ASTN2: variants seen among roughly 807,000 people sequenced by gnomAD.
ASTN2 encodes astrotactin-2.
A neutral mutation model predicts 139.8 loss-of-function variants in ASTN2; 54 were observed. The ratio of observed to expected loss-of-function variants is 0.39; its 90% CI spans 0.31 to 0.48. The LOEUF is 0.48. ASTN2 is among the 20% of genes least tolerant of loss of function. The pLI, the probability that ASTN2 is intolerant of heterozygous loss-of-function variation, is 0.95. For missense variants in ASTN2, 1,565 were observed against 1,725.1 expected, an observed-to-expected ratio of 0.91 and a Z score of 1.64; for synonymous variants, 756 against 719.5, an observed-to-expected ratio of 1.05 and a Z score of -0.81.
chr9:117,045,887 G>A (rs1478462679), intron 5 of ASTN2, among the ~76,000 whole-genome samples: 3 of 152,060 alleles, frequency 2.0e-5, no homozygotes, highest in Non-Finnish European at 4.4e-5. Flanking sequence ...CTAGAAACTG[G>A]AGACATTAGG....
chr9:116,614,498 C>T (rs1855732869), intron 19 of ASTN2, among the ~76,000 whole-genome samples: 2 of 152,258 alleles, frequency 1.3e-5, no homozygotes, highest in South Asian at 2.1e-4. Context: ...GTAACCAAAA[C>T]GGCATGGTAC....
chr9:117,386,395 T>C (rs1200548702), intron 1 of ASTN2, among the ~76,000 whole-genome samples: 1 of 152,132 alleles, frequency 6.6e-6, no homozygotes, highest in Non-Finnish European at 1.5e-5. Flanking sequence ...GACATGGATA[T>C]GTACCCATTC....
At chr9:116,927,324 G>A (rs10983410) in intron 10 of ASTN2, among the ~76,000 whole-genome samples, 29,913 of 152,140 alleles carry the variant, frequency 0.2, 3,449 homozygotes, top group Middle Eastern at 0.24. Flanking sequence ...CTTAACAGGT[G>A]AGACAGTCAC....
At chr9:116,635,059 AT>A (rs373847782) in intron 17 of ASTN2, among the ~76,000 whole-genome samples, 188 of 152,368 alleles carry the variant, frequency 1.2e-3, no homozygotes, top group African/African-American at 4.3e-3. Flanking sequence ...GCATAGTCTT[AT>A]TTAACAGTTA....
At chr9:117,125,603 C>A (rs1230075330) in intron 4 of ASTN2, among the ~76,000 whole-genome samples, 1 of 152,142 alleles carries the variant, frequency 6.6e-6, no homozygotes, top group Non-Finnish European at 1.5e-5. Context: ...AAAAGGAAAT[C>A]CTTTTGCCAT....
intron 2 of ASTN2, among the ~76,000 whole-genome samples, chr9:117,247,028 G>A (rs538202510): frequency 6.6e-6 from 1 of 152,166 alleles, no homozygotes; most frequent in Non-Finnish European, 1.5e-5. Flanking sequence ...CAATTTACCA[G>A]TTGAAAAAAG....
intron 3 of ASTN2, among the ~76,000 whole-genome samples, chr9:117,154,113 A>G (rs752412449): frequency 6.6e-6 from 1 of 152,072 alleles, no homozygotes; most frequent in Non-Finnish European, 1.5e-5. Context: ...TAAGTCAACT[A>G]TAACGAATGG....
chr9:117,283,249 G>A (rs999208211), intron 2 of ASTN2, among the ~76,000 whole-genome samples: 1 of 152,102 alleles, frequency 6.6e-6, no homozygotes, highest in African/African-American at 2.4e-5. Context: ...TCCTACACAT[G>A]GAAGCTATGG....
rs1392146464 is a variant in ASTN2 at position 117,032,359 on chromosome 9, C to CA, written c.1423+7459dup. On this transcript the variant is annotated intron_variant, in intron 6 of 22. Transcript: ENST00000313400. The stretch of plus-strand genomic sequence containing the variant: ...CATCAAGGCTGTGCAAATGAGTTAA[C>CA]AAAGAAAAAGACAGAAGCCATATTG... Among the ~76,000 whole-genome samples the CA allele has an allele frequency of 9.2e-5, 14 of 152,112 alleles. No individual in the cohort carries two copies. In the East Asian group the frequency reaches 2.7e-3, roughly 30 times the overall value.
intron 19 of ASTN2, among the ~76,000 whole-genome samples, chr9:116,557,223 C>CAAA (rs60756690): frequency 4.7e-4 from 25 of 53,596 alleles, no homozygotes; most frequent in Admixed American, 9.4e-4. Flanking sequence ...GACTCTGTCT[C>CAAA]AAAAAAAAAA....
chr9:116,927,184 A>G (rs10983409), intron 10 of ASTN2, among the ~76,000 whole-genome samples: 30,044 of 152,052 alleles, frequency 0.2, 3,487 homozygotes, highest in Middle Eastern at 0.25. Context: ...GTTGCCTTCC[A>G]TCCATACCTC....
intron 3 of ASTN2, among the ~76,000 whole-genome samples, chr9:117,170,438 A>C (rs527829151): frequency 7.2e-5 from 11 of 152,260 alleles, no homozygotes; most frequent in African/African-American, 2.6e-4. Context: ...CTAGGGATTC[A>C]ATGAAGAAGG....
intron 11 of ASTN2, among the ~76,000 whole-genome samples, chr9:116,833,092 TA>T (rs1337851246): frequency 6.6e-6 from 1 of 152,094 alleles, no homozygotes; most frequent in African/African-American, 2.4e-5. Flanking sequence ...TTAATAGTTA[TA>T]GGGCTTTCAA....
At chr9:117,116,103 C>T (rs1416504393) in intron 4 of ASTN2, among the ~76,000 whole-genome samples, 1 of 150,120 alleles carries the variant, frequency 6.7e-6, no homozygotes, top group Non-Finnish European at 1.5e-5. Flanking sequence ...GTCAAGAATC[C>T]AGAAGGCAGA....
chr9:117,263,181 G>T (rs2133111842), intron 2 of ASTN2, among the ~76,000 whole-genome samples: 1 of 152,184 alleles, frequency 6.6e-6, no homozygotes, highest in Middle Eastern at 3.4e-3. Flanking sequence ...AAATAAGAAG[G>T]ACTCCTTTTT....
chr9:116,696,121 T>C (rs1860838031), intron 16 of ASTN2, among the ~76,000 whole-genome samples: 1 of 152,194 alleles, frequency 6.6e-6, no homozygotes, highest in South Asian at 2.1e-4. Context: ...ATCTTCCTGC[T>C]TCAAAACATT....
At chr9:116,849,541 T>A (rs1832533078) in intron 11 of ASTN2, among the ~76,000 whole-genome samples, 1 of 152,208 alleles carries the variant, frequency 6.6e-6, no homozygotes, top group Non-Finnish European at 1.5e-5. Flanking sequence ...TTTTTTTGAA[T>A]ACTGGGAGAT....
chr9:117,385,086 T>C (rs1327733708), intron 1 of ASTN2, among the ~76,000 whole-genome samples: 1 of 152,206 alleles, frequency 6.6e-6, no homozygotes, highest in Non-Finnish European at 1.5e-5. Context: ...CTTTCTGGAT[T>C]CTTCACTTCA....
intron 6 of ASTN2, among the ~76,000 whole-genome samples, chr9:117,016,598 ATATAT>A (rs1837685718): frequency 7.3e-5 from 1 of 13,788 alleles, no homozygotes; most frequent in Non-Finnish European, 1.6e-4. Context: ...GGTTTTATAT[ATATAT>A]CTATATCTAT....
Sources: gnomAD v4.1 joint callset for allele counts (sites outside exome capture counted in the v4.1 genomes callset) on GRCh38, gnomAD v4.1.1 for gene constraint, MANE v1.5 for transcripts, NCBI Gene and HGNC (gene_info 2026-07-23, HGNC 2026-07-21) for gene names.